The following ABHD3 variants were observed in gnomAD, a reference collection of about 807,000 sequenced individuals.
The protein encoded by ABHD3 is abhydrolase domain containing 3, phospholipase.
A neutral mutation model predicts 48.8 loss-of-function variants in ABHD3; 46 were observed. The observed-to-expected ratio is 0.94, with a 90% CI of 0.74 to 1.20. ABHD3 has a LOEUF of 1.20. ABHD3 is among the 50% of genes most tolerant of loss of function. The pLI is 0.00. For synonymous variants in ABHD3, 192 were observed against 183.7 expected, an observed-to-expected ratio of 1.04 and a Z score of -0.36; for missense variants, 490 against 497.8, an observed-to-expected ratio of 0.98 and a Z score of 0.15.
intron 4 of ABHD3, among the ~76,000 whole-genome samples, chr18:21,674,735 T>G (rs1249897232): frequency 2.6e-5 from 4 of 152,146 alleles, no homozygotes; most frequent in Non-Finnish European, 5.9e-5. Context: ...AAGGGCCGAC[T>G]TGGGTGCAAC....
At chr18:21,684,905 G>C (rs1198873124) in intron 3 of ABHD3, among the ~76,000 whole-genome samples, 1 of 152,152 alleles carries the variant, frequency 6.6e-6, no homozygotes, top group Non-Finnish European at 1.5e-5. Flanking sequence ...TGCATCTGCT[G>C]GGTAAATGGG....
chr18:21,674,195 C>A (rs1442714990), intron 4 of ABHD3, among the ~76,000 whole-genome samples: 1 of 151,602 alleles, frequency 6.6e-6, no homozygotes, highest in Non-Finnish European at 1.5e-5. Context: ...ATTATTATTT[C>A]TAAAACTCTT....
chr18:21,667,234 C>T (rs1005197600), intron 4 of ABHD3, among the ~76,000 whole-genome samples: 4 of 81,474 alleles, frequency 4.9e-5, no homozygotes, highest in African/African-American at 2.7e-4. Context: ...CCACCACACC[C>T]TTTTTTTTTT....
At chr18:21,688,206 T>C (rs1026669914) in intron 3 of ABHD3, among the ~76,000 whole-genome samples, 3 of 152,210 alleles carry the variant, frequency 2.0e-5, no homozygotes, top group African/African-American at 7.2e-5. Flanking sequence ...GAAACTTCCA[T>C]GGGTTGTGAG....
At chr18:21,665,926 G>C (rs1442183940) in intron 4 of ABHD3, among the ~76,000 whole-genome samples, 1 of 152,080 alleles carries the variant, frequency 6.6e-6, no homozygotes, top group East Asian at 1.9e-4. Flanking sequence ...AGTGCTGTCT[G>C]CCAATGAAAG....
rs915381103 is a variant in ABHD3 at position 21,657,070 on chromosome 18, G to T, written c.891+34C>A. On this transcript the variant is annotated intron_variant, in intron 7 of 8. Transcript: ENST00000289119. ...TTATATCTAGTCTTGCCCAAAAGAA[G>T]AAATAAAAGTATTACATAAAGTTTC... 9.3e-6 allele frequency: 15 copies of T among 1,613,630 alleles called. No homozygotes were observed. In the African/African-American group the frequency reaches 1.5e-4, roughly 16 times the overall value.
At chr18:21,696,873 T>C (rs2040381688) in intron 3 of ABHD3, among the ~76,000 whole-genome samples, 1 of 152,126 alleles carries the variant, frequency 6.6e-6, no homozygotes, top group African/African-American at 2.4e-5. Context: ...CTGGCATTCC[T>C]GGCCTCTCTT....
At chr18:21,684,923 C>CTGCTGCTGGGTA (rs2040097373) in intron 3 of ABHD3, among the ~76,000 whole-genome samples, 1 of 152,150 alleles carries the variant, frequency 6.6e-6, no homozygotes, top group South Asian at 2.1e-4. Context: ...GGGCTCAGAT[C>CTGCTGCTGGGTA]AATGTAAAGG....
At chr18:21,654,520 G>A (rs1038633818) in intron 8 of ABHD3, among the ~76,000 whole-genome samples, 5 of 152,130 alleles carry the variant, frequency 3.3e-5, no homozygotes, top group Admixed American at 6.6e-5. Context: ...AGCTAGCCAC[G>A]TCCGTCCCAA....
chr18:21,651,585 T>G lies in ABHD3; in HGVS notation c.*6A>C. 6.2e-7 allele frequency: 1 copy of G among 1,613,568 alleles called. No homozygotes were observed. Among genetic ancestry groups the G allele is most frequent in the South Asian group, 1.1e-5 (1 of 90,946 alleles). ...TTCAGACAAAATGCACCCAAAGAAC[T>G]ACATGTTAAGAGAGTTCATGTCCAT... On this transcript the variant is annotated 3_prime_UTR_variant, in exon 9 of 9. Coordinates refer to ENST00000289119, the MANE Select transcript of ABHD3 (RefSeq NM_138340.5).
intron 1 of ABHD3, 79 bp downstream of exon 1, chr18:21,704,425 G>A (rs2040590080): frequency 2.4e-6 from 3 of 1,240,398 alleles, no homozygotes; most frequent in Non-Finnish European, 2.0e-6. Flanking sequence ...GACCGCCCCT[G>A]GCCGCGCAGC....
rs763276578 is a variant in ABHD3 at position 21,683,851 on chromosome 18, T to A, written c.555+69A>T. ...AGAGTTATTTTAAATAAAAAGAATA[T>A]GCTTTTTGTTATAAAACTAGAAATG... is the stretch of plus-strand genomic sequence containing the variant. On this transcript the variant is annotated intron_variant, in intron 4 of 8. Coordinates refer to ENST00000289119, the MANE Select transcript of ABHD3 (RefSeq NM_138340.5). 15 of 1,407,424 alleles carry A rather than the reference T, an allele frequency of 1.1e-5. No homozygotes were observed. In the African/African-American group the frequency reaches 1.9e-4, roughly 18 times the overall value. The allele number at this position is 1,407,424 out of a possible 1,614,324, so 87.2% of individuals were successfully genotyped here. A position where few individuals can be genotyped will look rare whatever the true frequency, so the allele number is the denominator to read the frequency against.
intron 4 of ABHD3, among the ~76,000 whole-genome samples, chr18:21,679,212 A>G: frequency 6.6e-6 from 1 of 152,248 alleles, no homozygotes; most frequent in East Asian, 1.9e-4. Flanking sequence ...AATAAACATC[A>G]GAGTTCCTCT....
At chr18:21,660,570 A>G (rs933477421) in intron 5 of ABHD3, among the ~76,000 whole-genome samples, 5 of 152,176 alleles carry the variant, frequency 3.3e-5, no homozygotes, top group African/African-American at 1.2e-4. Flanking sequence ...TAGTAACAGG[A>G]TGATATCCTA....
At chr18:21,683,825 CAG>C (rs966620492) in intron 4 of ABHD3, 93 bp downstream of exon 4, 85 of 1,243,958 alleles carry the variant, frequency 6.8e-5, no homozygotes, top group African/African-American at 2.3e-4. Flanking sequence ...CTTACATAAA[CAG>C]AGTTATTTTA....
chr18:21,694,345 C>T (rs1324677287), intron 3 of ABHD3, among the ~76,000 whole-genome samples: 2 of 152,202 alleles, frequency 1.3e-5, no homozygotes, highest in Non-Finnish European at 2.9e-5. Flanking sequence ...GATCCGCCGG[C>T]CTTGGCCTCC....
Position 21,704,517 on chromosome 18 carries a change from C to T in ABHD3, c.149G>A (p.Ser50Asn). The change falls in exon 1 of 9, where the codon AGC becomes AAC. Residue 50 changes from serine (S) to asparagine (N), a missense_variant. By Grantham distance (46) the Ser-to-Asn change is conservative (BLOSUM62 1). Transcript: ENST00000289119. ...CCCCCGGCTCACCTTGGCAATGCTG[C>T]TCAGGTAGTAGAAGGCATAAGCGAC... ...FSVAYAFYYL[S>N]SIAKKPQLVT... 6.7e-7 allele frequency: 1 copy of T among 1,485,008 alleles called. No individual in the cohort carries two copies. The highest frequency in any genetic ancestry group is 1.5e-5 in the African/African-American group (1 of 68,952). 92.0% of individuals were successfully genotyped at this position (1,485,008 alleles called of 1,614,324 possible).
Position 21,703,741 on chromosome 18 carries a change from G to T in ABHD3, c.169C>A (p.Gln57Lys). The T allele has an allele frequency of 6.2e-7, 1 of 1,613,328 alleles. No homozygotes were observed. Among genetic ancestry groups the T allele is most frequent in the African/African-American group, 1.3e-5 (1 of 75,008 alleles). The change falls in exon 2 of 9, where the codon CAG (glutamine) becomes AAG (lysine). Residue 57 changes from glutamine to lysine, a missense_variant. By Grantham distance (53) the Gln-to-Lys change is moderately conservative. Transcript: ENST00000289119. ...YYLSSIAKKP[Q>K]LVTGGESFSR... ...AAACTCTCACCCCCGGTCACTAACTGGGGTTTCTGAAGGGAAAAGCAGTAT... is the reference window on the plus strand; with the variant it reads ...AAACTCTCACCCCCGGTCACTAACTTGGGTTTCTGAAGGGAAAAGCAGTAT...
At chr18:21,655,287 T>G (rs924854130) in intron 8 of ABHD3, among the ~76,000 whole-genome samples, 2 of 150,326 alleles carry the variant, frequency 1.3e-5, no homozygotes, top group African/African-American at 2.4e-5. Context: ...AGAAAAAGTT[T>G]TTTTTTTTTT....
Sources: gnomAD v4.1 joint callset for allele counts (sites outside exome capture counted in the v4.1 genomes callset) on GRCh38, gnomAD v4.1.1 for gene constraint, MANE v1.5 for transcripts, NCBI Gene and HGNC (gene_info 2026-07-23, HGNC 2026-07-21) for gene names.